The following PAM variants were observed in gnomAD, a reference collection of about 807,000 sequenced individuals.
PAM encodes peptidyl-glycine alpha-amidating monooxygenase.
PAM carries 72 observed loss-of-function variants against 122.1 expected under a neutral mutation model. The observed-to-expected ratio is 0.59, with a 90% CI of 0.49 to 0.72. PAM has a LOEUF of 0.72. PAM is among the 30% of genes least tolerant of loss of function. PAM has a pLI of 0.00. For missense variants in PAM, 1,106 were observed against 1,183.7 expected (o/e 0.93, Z 0.96); for synonymous variants, 389 against 404.4 (o/e 0.96, Z 0.46).
intron 7 of PAM, among the ~76,000 whole-genome samples, chr5:102,935,381 A>G (rs926939001): frequency 9.2e-5 from 14 of 152,122 alleles, no homozygotes; most frequent in African/African-American, 3.4e-4. Context: ...CAGCACATGT[A>G]AAGCTCTTCC....
At chr5:103,007,715 T>A in intron 20 of PAM, 58 bp downstream of exon 20, 5 of 1,085,552 alleles carry the variant, frequency 4.6e-6, no homozygotes, top group Non-Finnish European at 2.8e-6. Flanking sequence ...TCCTTAAAAA[T>A]TGTGTTATCT....
intron 3 of PAM, among the ~76,000 whole-genome samples, chr5:102,888,676 G>A (rs1793887083): frequency 6.6e-6 from 1 of 151,826 alleles, no homozygotes; most frequent in Non-Finnish European, 1.5e-5. Flanking sequence ...GGTCCCCCAA[G>A]TGTCTTCCTC....
intron 1 of PAM, among the ~76,000 whole-genome samples, chr5:102,864,755 G>A (rs1010034369): frequency 6.6e-6 from 1 of 152,106 alleles, no homozygotes; most frequent in Non-Finnish European, 1.5e-5. Context: ...TTGGAACGAT[G>A]TTTATAGTTA....
At chr5:102,914,896 A>T (rs1276898350) in intron 5 of PAM, among the ~76,000 whole-genome samples, 1 of 152,120 alleles carries the variant, frequency 6.6e-6, no homozygotes, top group East Asian at 1.9e-4. Context: ...TCTTAATATC[A>T]TGCCATAAAC....
chr5:102,915,724 T>C (rs550370951), intron 5 of PAM, among the ~76,000 whole-genome samples: 1 of 152,266 alleles, frequency 6.6e-6, no homozygotes, highest in African/African-American at 2.4e-5. Context: ...CTGCTTTTGC[T>C]GCACCTTGGT....
chr5:102,802,909 A>G (rs1305308775), intron 1 of PAM, among the ~76,000 whole-genome samples: 1 of 152,080 alleles, frequency 6.6e-6, no homozygotes, highest in African/African-American at 2.4e-5. Flanking sequence ...TGTTTAGGAA[A>G]GTCATGGAGG....
At chr5:102,806,923 A>G (rs1355230478) in intron 1 of PAM, among the ~76,000 whole-genome samples, 1 of 152,210 alleles carries the variant, frequency 6.6e-6, no homozygotes, top group Non-Finnish European at 1.5e-5. Flanking sequence ...TATTATTGTT[A>G]TACGTTTGCG....
intron 1 of PAM, among the ~76,000 whole-genome samples, chr5:102,850,678 C>G (rs1241080021): frequency 6.6e-6 from 1 of 152,166 alleles, no homozygotes; most frequent in South Asian, 2.1e-4. Context: ...CACATGGCCA[C>G]TTGGTGGACA....
intron 7 of PAM, among the ~76,000 whole-genome samples, chr5:102,929,709 G>A (rs1750786884): frequency 6.6e-6 from 1 of 152,102 alleles, no homozygotes; most frequent in Non-Finnish European, 1.5e-5. Context: ...TAAAAGTTGT[G>A]GGAATGTGGT....
chr5:102,878,733 TAAAA>T (rs891569970), intron 3 of PAM, among the ~76,000 whole-genome samples: 1 of 144,278 alleles, frequency 6.9e-6, no homozygotes, highest in South Asian at 2.2e-4. Flanking sequence ...ATGTTTAAAG[TAAAA>T]AAAAAAATTA....
chr5:102,982,726 T>G (rs1770330526), intron 15 of PAM, among the ~76,000 whole-genome samples: 1 of 152,112 alleles, frequency 6.6e-6, no homozygotes, highest in South Asian at 2.1e-4. Flanking sequence ...AGAAAAACAT[T>G]TTTCCTTATG....
chr5:102,779,268 T>A (rs945935574), intron 1 of PAM, among the ~76,000 whole-genome samples: 11 of 151,270 alleles, frequency 7.3e-5, no homozygotes, highest in African/African-American at 1.2e-4. Context: ...ATATAATTCC[T>A]AACTTTAATA....
chr5:102,989,760 T>A (rs936838834), intron 15 of PAM: 1 of 150,870 alleles, frequency 6.6e-6, no homozygotes, highest in Middle Eastern at 3.4e-3. Flanking sequence ...GGCTATTTTA[T>A]ACTGAATATC....
Position 102,859,144 on chromosome 5 carries a change from CCTT to C in PAM, c.-373-6676_-373-6674del, listed in dbSNP as rs576324625. On this transcript the variant is annotated intron_variant, in intron 1 of 25. Coordinates refer to ENST00000438793, the MANE Select transcript of PAM (RefSeq NM_001177306.2). ...TTTTGTCTTTATTTTAGAGTGCACTCCTTCTACTTACAAAAAAAATGTTAACTG... is the reference window on the plus strand; with the variant it reads ...TTTTGTCTTTATTTTAGAGTGCACTCCTACTTACAAAAAAAATGTTAACTG... Among the ~76,000 whole-genome samples the C allele has an allele frequency of 2.9e-3, 445 of 152,254 alleles. 5 individuals are homozygous for C. The highest frequency in any genetic ancestry group is 0.01 in the African/African-American group (421 of 41,536).
At chr5:102,804,113 T>TG (rs1019321120) in intron 1 of PAM, among the ~76,000 whole-genome samples, 1 of 151,998 alleles carries the variant, frequency 6.6e-6, no homozygotes, top group African/African-American at 2.4e-5. Flanking sequence ...AGGGAAAGTA[T>TG]GGGGACATAT....
At chr5:102,963,408 A>C (rs1220914206) in intron 14 of PAM, among the ~76,000 whole-genome samples, 1 of 152,008 alleles carries the variant, frequency 6.6e-6, no homozygotes, top group Non-Finnish European at 1.5e-5. Context: ...CAAGTAGCTA[A>C]TAAGGGGGCT....
Position 103,003,114 on chromosome 5 carries a change from T to C in PAM, c.1695T>C (p.Asn565=). 3 of 1,591,514 alleles carry C rather than the reference T, an allele frequency of 1.9e-6. No individual in the cohort carries two copies. Among genetic ancestry groups the C allele is most frequent in the Non-Finnish European group, 2.6e-6 (3 of 1,159,460 alleles). The change falls in exon 17 of 26, where the codon AAT becomes AAC. Residue 565 remains asparagine (N), a synonymous_variant. Transcript: ENST00000438793. ...ACACTATTCTTGTCATAGATCCAAA[T>C]AATGCTGCAGTACTCCAGTCCAGTG... is the stretch of plus-strand genomic sequence containing the variant. ...EEDTILVIDP[N]NAAVLQSSGK...
intron 3 of PAM, among the ~76,000 whole-genome samples, chr5:102,889,569 AT>A (rs981335069): frequency 2.6e-5 from 4 of 151,004 alleles, no homozygotes; most frequent in Admixed American, 1.3e-4. Flanking sequence ...TGTGTCTTCT[AT>A]TTTTTTTAAT....
At chr5:102,780,511 T>C (rs981861261) in intron 1 of PAM, among the ~76,000 whole-genome samples, 4 of 152,130 alleles carry the variant, frequency 2.6e-5, no homozygotes, top group Non-Finnish European at 1.5e-5. Context: ...TTATTACCTA[T>C]GTGATTTGTA....
Sources: allele counts gnomAD v4.1 joint callset (sites outside exome capture counted in the v4.1 genomes callset), GRCh38; gene constraint gnomAD v4.1.1; transcripts MANE v1.5; gene names NCBI Gene and HGNC (gene_info 2026-07-23, HGNC 2026-07-21).